Variants in PPARGC1B observed in about 807,000 individuals in gnomAD.
The protein encoded by PPARGC1B is PPARG coactivator 1 beta, also known as peroxisome proliferator-activated receptor gamma coactivator 1-beta.
In PPARGC1B, 34 loss-of-function variants were observed where a neutral mutation model predicts 101.6. The observed-to-expected ratio is 0.33, with a 90% confidence interval of 0.25 to 0.45. The LOEUF (loss-of-function observed/expected upper bound fraction) is 0.45, where lower values mean the gene tolerates loss of function less well. Among genes scored for constraint, PPARGC1B ranks in the 20% least tolerant of loss-of-function variants. The pLI is 1.00. For missense variants in PPARGC1B, 1,234 were observed against 1,317.6 expected (o/e 0.94, Z 0.98); for synonymous variants, 548 against 539.3 (o/e 1.02, Z -0.22).
intron 1 of PPARGC1B, among the ~76,000 whole-genome samples, chr5:149,794,524 GCACACACACACA>G (rs35484083): frequency 1.5e-4 from 21 of 143,560 alleles, no homozygotes; most frequent in Non-Finnish European, 2.7e-4. Context: ...ATGTGAGCGT[GCACACACACACA>G]CACACACACA....
At chr5:149,830,741 T>C (rs769329361) in intron 3 of PPARGC1B, 26 bp from the exon 4 acceptor site, 4 of 1,568,986 alleles carry the variant, frequency 2.5e-6, no homozygotes, top group Non-Finnish European at 2.6e-6. Context: ...CAGCCCCGGC[T>C]CCTGTCCTCT....
At chr5:149,821,649 G>C (rs529315019) in intron 2 of PPARGC1B, among the ~76,000 whole-genome samples, 1 of 152,118 alleles carries the variant, frequency 6.6e-6, no homozygotes, top group Non-Finnish European at 1.5e-5. Context: ...GTGGTGTGCC[G>C]CAAGCGTCCT....
At position 149,840,100 on chromosome 5, in the gene PPARGC1B, G is replaced by C; in HGVS notation, c.2678G>C (p.Arg893Pro). ...RTPSIRHARK[R>P]REKAIGEGRV... Reference sequence around the variant, plus strand: ...CCAAGCATCCGGCACGCCAGGAAGCGGCGGGAAAAGGCCATTGTAAGTGAT... The same window carrying C: ...CCAAGCATCCGGCACGCCAGGAAGCCGCGGGAAAAGGCCATTGTAAGTGAT... The change falls in exon 9 of 12, where the codon CGG becomes CCG. Residue 893 changes from arginine (R) to proline (P), a missense_variant. Arg to Pro is a moderately radical substitution (Grantham distance 103). Transcript: ENST00000309241. 1 of 1,613,092 alleles carries C rather than the reference G, an allele frequency of 6.2e-7. No homozygotes were observed. Among genetic ancestry groups the C allele is most frequent in the Non-Finnish European group, 8.5e-7 (1 of 1,179,540 alleles).
At chr5:149,736,596 A>G (rs780170389) in intron 1 of PPARGC1B, among the ~76,000 whole-genome samples, 3 of 152,034 alleles carry the variant, frequency 2.0e-5, no homozygotes, top group Non-Finnish European at 4.4e-5. Context: ...TCTGTTTGTA[A>G]CTAGATTCCT....
At chr5:149,792,228 C>T (rs897414842) in intron 1 of PPARGC1B, among the ~76,000 whole-genome samples, 12 of 152,162 alleles carry the variant, frequency 7.9e-5, no homozygotes, top group Non-Finnish European at 1.3e-4. Context: ...GCAAACAGAG[C>T]TTGCATCGAT....
chr5:149,779,351 C>T lies in PPARGC1B; in HGVS notation c.79-41082C>T, dbSNP rs539909869. ...AGTAACAAATACAATGGGCACTTTG[C>T]GTCTGGGGGAGGGGCTGCCTCTTCT... is the stretch of plus-strand genomic sequence containing the variant. On this transcript the variant is annotated intron_variant, in intron 1 of 11. Transcript: ENST00000309241. Among the ~76,000 whole-genome samples, 15 of 152,256 alleles carry T rather than the reference C, an allele frequency of 9.9e-5. No homozygotes were observed. In the East Asian group the frequency reaches 1.2e-3, roughly 12 times the overall value.
chr5:149,834,211 C>T (rs569211981), intron 5 of PPARGC1B, among the ~76,000 whole-genome samples: 2 of 152,242 alleles, frequency 1.3e-5, no homozygotes, highest in Admixed American at 1.3e-4. Context: ...CCACTGTATA[C>T]TTACCGTGCT....
At chr5:149,783,133 T>G (rs1400707764) in intron 1 of PPARGC1B, among the ~76,000 whole-genome samples, 1 of 151,926 alleles carries the variant, frequency 6.6e-6, no homozygotes, top group East Asian at 1.9e-4. Flanking sequence ...TCAGGCCTTC[T>G]TCACCCCTGG....
chr5:149,819,494 G>GT (rs200679684), intron 1 of PPARGC1B, among the ~76,000 whole-genome samples: 8,951 of 147,114 alleles, frequency 0.061, 424 homozygotes, highest in Admixed American at 0.16. Context: ...GTTTGTTTTT[G>GT]TTTTTTTTTG....
chr5:149,839,219 G>A (rs1271425126), intron 8 of PPARGC1B, among the ~76,000 whole-genome samples: 2 of 152,226 alleles, frequency 1.3e-5, no homozygotes, highest in African/African-American at 2.4e-5. Flanking sequence ...ATGGCCAAGG[G>A]ATGGACACAA....
Position 149,832,948 on chromosome 5 carries a change from G to C in PPARGC1B, c.875G>C (p.Arg292Pro). ...ATGCAGGCGATGGTGCAACTCATAC[G>C]CTACATGCACACCTACTGCCTCCCC... ...EDMQAMVQLI[R>P]YMHTYCLPQR... Residue 292 changes from arginine (R) to proline (P), a missense_variant, in exon 5 of 12, where the codon CGC becomes CCC. Around this residue, in one of 3 missense-constraint regions of PPARGC1B, gnomAD observed 734 missense variants for 768.4 expected, o/e 0.96. Coordinates refer to ENST00000309241, the MANE Select transcript of PPARGC1B (RefSeq NM_133263.4). This position sits in a 1 kb window ranked among gnomAD's most constrained non-coding sequence, Gnocchi z 4.9. The C allele has an allele frequency of 6.2e-7, 1 of 1,613,138 alleles. No homozygotes were observed. The highest frequency in any genetic ancestry group is 1.1e-5 in the South Asian group (1 of 91,080).
chr5:149,749,569 T>C (rs996733385), intron 1 of PPARGC1B, among the ~76,000 whole-genome samples: 12 of 152,214 alleles, frequency 7.9e-5, no homozygotes, highest in Admixed American at 3.9e-4. Context: ...TTTGCAACAG[T>C]TGCAACTGTG....
At chr5:149,812,262 C>T (rs1757892150) in intron 1 of PPARGC1B, among the ~76,000 whole-genome samples, 1 of 152,214 alleles carries the variant, frequency 6.6e-6, no homozygotes, top group Admixed American at 6.5e-5. Flanking sequence ...CCCCTCTCTT[C>T]TGTCTACTTA....
At chr5:149,843,866 T>C (rs1484541542) in intron 10 of PPARGC1B, among the ~76,000 whole-genome samples, 1 of 152,244 alleles carries the variant, frequency 6.6e-6, no homozygotes, top group Non-Finnish European at 1.5e-5. Flanking sequence ...CCTGACAACA[T>C]TGTGCTGAGT....
chr5:149,746,715 C>A (rs1275208482), intron 1 of PPARGC1B, among the ~76,000 whole-genome samples: 1 of 152,094 alleles, frequency 6.6e-6, no homozygotes, highest in East Asian at 1.9e-4. Context: ...ACATTCCTAC[C>A]AACAGTGCAC....
intron 1 of PPARGC1B, among the ~76,000 whole-genome samples, chr5:149,814,569 C>T (rs1046669777): frequency 6.6e-6 from 1 of 152,150 alleles, no homozygotes; most frequent in Admixed American, 6.5e-5. Context: ...AGCCACCCCT[C>T]CGCCCCACCT....
At chr5:149,752,594 C>G (rs189140668) in intron 1 of PPARGC1B, among the ~76,000 whole-genome samples, 3 of 152,088 alleles carry the variant, frequency 2.0e-5, no homozygotes, top group Non-Finnish European at 2.9e-5. Flanking sequence ...TTTGGGAGGC[C>G]GAGGTGGGTG....
Position 149,829,333 on chromosome 5 carries a change from C to G in PPARGC1B, c.466-1434C>G, listed in dbSNP as rs536734391. Reference sequence around the variant, plus strand: ...CCTGAGCCAGGCTAGAATGAGGTCTCTTTCCCCCAGTCCTAGGATCATTTC... The same window carrying G: ...CCTGAGCCAGGCTAGAATGAGGTCTGTTTCCCCCAGTCCTAGGATCATTTC... On this transcript the variant is annotated intron_variant, in intron 3 of 11. Transcript: ENST00000309241. Among the ~76,000 whole-genome samples the G allele has an allele frequency of 3.4e-3, 522 of 152,320 alleles. 2 individuals are homozygous for G. The highest frequency in any genetic ancestry group is 5.5e-3 in the Non-Finnish European group (376 of 68,034).
chr5:149,838,420 C>T (rs928790762), intron 8 of PPARGC1B, among the ~76,000 whole-genome samples: 4 of 152,178 alleles, frequency 2.6e-5, no homozygotes, highest in African/African-American at 7.2e-5. Flanking sequence ...CTTCGCTGAG[C>T]CTCTCTTTCT....
Sources: allele counts gnomAD v4.1 joint callset (sites outside exome capture counted in the v4.1 genomes callset), GRCh38; gene constraint gnomAD v4.1.1; regional missense constraint gnomAD v4.1.1; non-coding constraint Gnocchi (gnomAD v3.1); transcripts MANE v1.5; gene names NCBI Gene and HGNC (gene_info 2026-07-23, HGNC 2026-07-21).